The following FABP7 variants were observed in gnomAD, a reference collection of about 807,000 sequenced individuals.
The protein encoded by FABP7 is fatty acid binding protein 7.
A neutral mutation model predicts 14.2 loss-of-function variants in FABP7; 13 were observed. The observed-to-expected ratio is 0.91, with a 90% CI of 0.59 to 1.45. The LOEUF is 1.45. FABP7 is among the 40% of genes most tolerant of loss of function. The pLI is 0.00. For missense variants in FABP7, 149 were observed against 157.6 expected (o/e 0.95, Z 0.29); for synonymous variants, 49 against 51.4 (o/e 0.95, Z 0.20).
At chr6:122,767,845 T>A in the FABP7 span, among the ~76,000 whole-genome samples, 1 of 151,710 alleles carries the variant, frequency 6.6e-6, no homozygotes. Context: ...GTAGGTGGTT[T>A]CCTTAAATAA....
the FABP7 span, among the ~76,000 whole-genome samples, chr6:122,758,112 T>TC: frequency 6.9e-6 from 1 of 143,954 alleles, no homozygotes; most frequent in African/African-American, 2.5e-5. Context: ...TAGCTTTTTT[T>TC]TTTTTTTTTT....
chr6:122,768,873 T>A, the FABP7 span, among the ~76,000 whole-genome samples: 1 of 152,078 alleles, frequency 6.6e-6, no homozygotes, highest in African/African-American at 2.4e-5. Flanking sequence ...TACTCTAGAT[T>A]AGAAATGAAT....
chr6:122,761,525 A>G, the FABP7 span, among the ~76,000 whole-genome samples: 1 of 152,178 alleles, frequency 6.6e-6, no homozygotes. Flanking sequence ...TAGGATTTCA[A>G]TATAGGGCAG....
chr6:122,767,820 T>A, the FABP7 span, among the ~76,000 whole-genome samples: 2 of 150,704 alleles, frequency 1.3e-5, no homozygotes, highest in East Asian at 3.9e-4. Context: ...TAAGTGAATA[T>A]CTTTTGGACC....
the FABP7 span, among the ~76,000 whole-genome samples, chr6:122,753,779 A>AC: frequency 3.7e-3 from 290 of 78,438 alleles, no homozygotes; most frequent in Non-Finnish European, 6.0e-3. Context: ...TTGGGTCCAA[A>AC]TCCCGCCCCC....
chr6:122,767,826 G>C, the FABP7 span, among the ~76,000 whole-genome samples: 3 of 151,188 alleles, frequency 2.0e-5, no homozygotes, highest in Non-Finnish European at 4.4e-5. Context: ...AATATCTTTT[G>C]GACCTTGGGT....
chr6:122,761,561 T>C, the FABP7 span, among the ~76,000 whole-genome samples: 1 of 152,300 alleles, frequency 6.6e-6, no homozygotes, highest in East Asian at 1.9e-4. Context: ...TTAATTGATC[T>C]AAGTACTAGA....
chr6:122,774,383 AAAAGACAGAG>A, the FABP7 span, among the ~76,000 whole-genome samples: 4 of 30,150 alleles, frequency 1.3e-4, no homozygotes, highest in Non-Finnish European at 6.9e-4. Flanking sequence ...AAAAAAAAAA[AAAAGACAGAG>A]AGAGAGAGAA....
the FABP7 span, among the ~76,000 whole-genome samples, chr6:122,763,701 T>G: frequency 6.6e-6 from 1 of 151,670 alleles, no homozygotes; most frequent in Non-Finnish European, 1.5e-5. Context: ...AAGAAAAAAA[T>G]CAAACAACCC....
the FABP7 span, among the ~76,000 whole-genome samples, chr6:122,758,616 G>T: frequency 6.6e-6 from 1 of 152,126 alleles, no homozygotes; most frequent in Admixed American, 6.5e-5. Context: ...CTTGAAATGT[G>T]AATTTATGTC....
In FABP7 at chr6:122,783,241, T is replaced by C. The variant is rs1780839649; in HGVS notation, c.349-476T>C. ...ATGACAACCAAAACAAGGAGAATATTTGTACCTTTACATGTTCCTCTTGAT... is the reference window on the plus strand; with the variant it reads ...ATGACAACCAAAACAAGGAGAATATCTGTACCTTTACATGTTCCTCTTGAT... On this transcript the variant is annotated intron_variant, in intron 3 of 3. Coordinates refer to ENST00000368444, the MANE Select transcript of FABP7 (RefSeq NM_001446.5). The C allele has an allele frequency of 6.1e-6, 6 of 985,348 alleles. No individual in the cohort carries two copies. The South Asian group carries it at 2.3e-4, about 39-fold the overall frequency. The allele number at this position is 985,348 out of a possible 1,614,324, so 61.0% of individuals were successfully genotyped here. A position where few individuals can be genotyped will look rare whatever the true frequency, so the allele number is the denominator to read the frequency against.
chr6:122,779,894 T>A, intron 1 of FABP7, 27 bp downstream of exon 1: 1 of 1,603,822 alleles, frequency 6.2e-7, no homozygotes, highest in Non-Finnish European at 8.5e-7. Context: ...CCGGCTGTTC[T>A]CTTCTCAACG....
upstream of FABP7, among the ~76,000 whole-genome samples, chr6:122,779,190 C>G (rs1439414659): frequency 1.3e-5 from 2 of 152,140 alleles, no homozygotes; most frequent in Admixed American, 6.5e-5. Flanking sequence ...TTGGCCTACT[C>G]TAGCCTGCAT....
chr6:122,778,281 G>A (rs1473968158), upstream of FABP7, among the ~76,000 whole-genome samples: 1 of 152,220 alleles, frequency 6.6e-6, no homozygotes, highest in African/African-American at 2.4e-5. Flanking sequence ...AAATGATTCA[G>A]AGGTTTCTGG....
the FABP7 span, among the ~76,000 whole-genome samples, chr6:122,764,222 G>A: frequency 6.6e-6 from 1 of 152,186 alleles, no homozygotes; most frequent in Non-Finnish European, 1.5e-5. Flanking sequence ...AAAAGGATGA[G>A]TTCATGTCCT....
At chr6:122,759,873 G>A in the FABP7 span, among the ~76,000 whole-genome samples, 1 of 152,004 alleles carries the variant, frequency 6.6e-6, no homozygotes, top group Admixed American at 6.5e-5. Context: ...TGTAATCCCA[G>A]CACTTTGGGA....
intron 3 of FABP7, chr6:122,782,579 C>T: frequency 1.0e-6 from 1 of 985,410 alleles, no homozygotes; most frequent in Non-Finnish European, 1.2e-6. Flanking sequence ...TCCTCAGACA[C>T]TTTTTGTGTG....
chr6:122,765,696 C>G, the FABP7 span, among the ~76,000 whole-genome samples: 1 of 151,288 alleles, frequency 6.6e-6, no homozygotes, highest in African/African-American at 2.4e-5. Flanking sequence ...TTTTCATTAC[C>G]TCATTTTATT....
the FABP7 span, among the ~76,000 whole-genome samples, chr6:122,749,238 A>G: frequency 6.6e-6 from 1 of 152,208 alleles, no homozygotes; most frequent in Non-Finnish European, 1.5e-5. Context: ...GTATAAGACA[A>G]TATGAGGGGT....
Sources: gnomAD v4.1 joint callset for allele counts (sites outside exome capture counted in the v4.1 genomes callset) on GRCh38, gnomAD v4.1.1 for gene constraint, MANE v1.5 for transcripts, NCBI Gene and HGNC (gene_info 2026-07-23, HGNC 2026-07-21) for gene names.